Variants in CTNNA3 observed in about 807,000 individuals in gnomAD.
The protein encoded by CTNNA3 is catenin alpha-3.
Under a neutral mutation model 95.7 loss-of-function variants are expected in CTNNA3, and 76 were observed. That is an observed-to-expected ratio of 0.79 (90% CI 0.66 to 0.96). The LOEUF (loss-of-function observed/expected upper bound fraction) is 0.96. CTNNA3 is among the 40% of genes least tolerant of loss of function. CTNNA3 has a pLI of 0.00. For synonymous variants in CTNNA3, 431 were observed against 374.4 expected (o/e 1.15, Z -1.74); for missense variants, 1,191 against 1,089.8 (o/e 1.09, Z -1.31).
At chr10:66,551,436 A>G (rs1427702058) in intron 10 of CTNNA3, among the ~76,000 whole-genome samples, 2 of 152,036 alleles carry the variant, frequency 1.3e-5, no homozygotes, top group Non-Finnish European at 2.9e-5. Context: ...TGATGTGTCT[A>G]TGGTTTTCTT....
In CTNNA3 at chr10:67,390,157, A is replaced by G. The variant is rs886284647; in HGVS notation, c.579+131685T>C. Among the ~76,000 whole-genome samples, 6 of 152,210 alleles carry G rather than the reference A, an allele frequency of 3.9e-5. No homozygotes were observed. The South Asian group carries it at 6.2e-4, about 16-fold the overall frequency. Reference sequence around the variant, plus strand: ...AAAGGATCAACAAAATTGATAGACCACTAGCATGACTAATAAAGAAAAAGA... The same window carrying G: ...AAAGGATCAACAAAATTGATAGACCGCTAGCATGACTAATAAAGAAAAAGA... On this transcript the variant is annotated intron_variant, in intron 5 of 17. Transcript: ENST00000433211.
chr10:67,270,673 A>T (rs1259989712), intron 5 of CTNNA3, among the ~76,000 whole-genome samples: 1 of 152,176 alleles, frequency 6.6e-6, no homozygotes, highest in Non-Finnish European at 1.5e-5. Context: ...GCAGTCACTA[A>T]AGGAATATTA....
chr10:65,994,430 T>A (rs148030962), intron 15 of CTNNA3, among the ~76,000 whole-genome samples: 110 of 152,118 alleles, frequency 7.2e-4, no homozygotes, highest in South Asian at 1.9e-3. Flanking sequence ...GATTGACATT[T>A]TTTTTTTTTG....
At chr10:67,089,031 G>A (rs1857472573) in intron 7 of CTNNA3, among the ~76,000 whole-genome samples, 1 of 151,968 alleles carries the variant, frequency 6.6e-6, no homozygotes, top group African/African-American at 2.4e-5. Flanking sequence ...ATCTACAGGT[G>A]ATTTTAAATA....
intron 1 of CTNNA3, among the ~76,000 whole-genome samples, chr10:67,673,735 A>G (rs890918822): frequency 6.8e-5 from 10 of 147,384 alleles, no homozygotes; most frequent in African/African-American, 2.5e-4. Flanking sequence ...TAAATCTATT[A>G]TATTAGTTAA....
At chr10:66,933,915 G>A (rs761009022) in intron 7 of CTNNA3, among the ~76,000 whole-genome samples, 2 of 152,094 alleles carry the variant, frequency 1.3e-5, no homozygotes, top group Non-Finnish European at 2.9e-5. Flanking sequence ...TGACAGCTGA[G>A]TTCCTATGGC....
intron 12 of CTNNA3, among the ~76,000 whole-genome samples, chr10:66,354,579 C>T (rs2092594834): frequency 6.6e-6 from 1 of 152,090 alleles, no homozygotes; most frequent in African/African-American, 2.4e-5. Flanking sequence ...AGTTGAGAAT[C>T]TGTCTTTTAG....
At chr10:66,375,051 G>A (rs4378283) in intron 12 of CTNNA3, among the ~76,000 whole-genome samples, 12,395 of 152,022 alleles carry the variant, frequency 0.082, 845 homozygotes, top group East Asian at 0.23. Flanking sequence ...TATTGCCAAA[G>A]ATTTCTAGAG....
intron 10 of CTNNA3, among the ~76,000 whole-genome samples, chr10:66,591,811 A>T (rs1227663916): frequency 6.6e-6 from 1 of 152,106 alleles, no homozygotes; most frequent in Non-Finnish European, 1.5e-5. Context: ...CAACACTCCA[A>T]ATAAGCATTG....
chr10:66,956,924 T>G (rs750355234), intron 7 of CTNNA3, among the ~76,000 whole-genome samples: 3 of 152,158 alleles, frequency 2.0e-5, no homozygotes, highest in Non-Finnish European at 4.4e-5. Context: ...AATTATGTAG[T>G]AAGTGCACAG....
intron 2 of CTNNA3, among the ~76,000 whole-genome samples, chr10:67,611,926 G>A (rs986633912): frequency 6.6e-6 from 1 of 152,010 alleles, no homozygotes; most frequent in South Asian, 2.1e-4. Flanking sequence ...GAAATTAGAA[G>A]GGTAGAAAAA....
intron 7 of CTNNA3, among the ~76,000 whole-genome samples, chr10:67,014,786 A>T (rs1852554363): frequency 6.6e-6 from 1 of 152,134 alleles, no homozygotes; most frequent in Non-Finnish European, 1.5e-5. Flanking sequence ...AAAAACAGCC[A>T]TCTCTACCAC....
chr10:66,314,133 C>A (rs2092065205), intron 12 of CTNNA3, among the ~76,000 whole-genome samples: 1 of 152,132 alleles, frequency 6.6e-6, no homozygotes, highest in African/African-American at 2.4e-5. Flanking sequence ...GCAGGGGCCC[C>A]TGTTTCATCA....
At chr10:67,534,361 G>A (rs1840426724) in intron 4 of CTNNA3, among the ~76,000 whole-genome samples, 2 of 152,234 alleles carry the variant, frequency 1.3e-5, no homozygotes, top group Non-Finnish European at 2.9e-5. Context: ...ATTTAAGGTG[G>A]GTAGTGATAT....
At chr10:66,759,863 T>A (rs1042743691) in intron 9 of CTNNA3, among the ~76,000 whole-genome samples, 1 of 152,220 alleles carries the variant, frequency 6.6e-6, no homozygotes, top group Non-Finnish European at 1.5e-5. Flanking sequence ...GTTTGGGGTA[T>A]ATTGAATTAA....
intron 7 of CTNNA3, among the ~76,000 whole-genome samples, chr10:67,092,676 T>C (rs942725465): frequency 1.3e-5 from 2 of 151,996 alleles, no homozygotes; most frequent in African/African-American, 2.4e-5. Flanking sequence ...CAAACTCAAA[T>C]ATTACATATG....
intron 7 of CTNNA3, among the ~76,000 whole-genome samples, chr10:67,051,232 G>A (rs763469739): frequency 1.6e-4 from 25 of 152,028 alleles, no homozygotes; most frequent in African/African-American, 3.9e-4. Flanking sequence ...AAATGAAGAC[G>A]TGAACTAAAT....
intron 1 of CTNNA3, among the ~76,000 whole-genome samples, chr10:67,682,892 G>A (rs551073165): frequency 8.5e-5 from 13 of 152,178 alleles, no homozygotes; most frequent in Non-Finnish European, 1.2e-4. Flanking sequence ...AGTAAAACAC[G>A]ACAAAGCTGC....
At chr10:66,287,532 C>T (rs900014661) in intron 12 of CTNNA3, among the ~76,000 whole-genome samples, 2 of 151,824 alleles carry the variant, frequency 1.3e-5, no homozygotes, top group Non-Finnish European at 2.9e-5. Context: ...GAATAACCAC[C>T]CTGAGACATA....
Sources: allele counts gnomAD v4.1 joint callset (sites outside exome capture counted in the v4.1 genomes callset), GRCh38; gene constraint gnomAD v4.1.1; transcripts MANE v1.5; gene names NCBI Gene and HGNC (gene_info 2026-07-23, HGNC 2026-07-21).